Variants in TEAD1 observed in about 807,000 individuals in gnomAD.
The protein encoded by TEAD1 is TEA domain transcription factor 1, also known as transcriptional enhancer factor TEF-1.
Under a neutral mutation model 54.9 loss-of-function variants are expected in TEAD1, and 9 were observed. That is an observed-to-expected ratio of 0.16 (90% CI 0.10 to 0.29). The LOEUF (loss-of-function observed/expected upper bound fraction) is 0.29. TEAD1 is among the 10% of genes least tolerant of loss of function. TEAD1 has a pLI of 1.00. For missense variants in TEAD1, 387 were observed against 535.9 expected (o/e 0.72, Z 2.74); for synonymous variants, 200 against 187.8 (o/e 1.07, Z -0.53).
intron 9 of TEAD1, among the ~76,000 whole-genome samples, chr11:12,894,267 G>T (rs1465007855): frequency 6.6e-6 from 1 of 152,148 alleles, no homozygotes; most frequent in African/African-American, 2.4e-5. Context: ...CTTCAGGTTG[G>T]ACGGTGCAGT....
chr11:12,862,863 A>G (rs960044705), intron 4 of TEAD1, among the ~76,000 whole-genome samples: 18 of 152,354 alleles, frequency 1.2e-4, no homozygotes, highest in African/African-American at 4.1e-4. Flanking sequence ...TACAACTTCA[A>G]TACCTCTGTG....
At chr11:12,918,309 T>TTA (rs1290491484) in intron 10 of TEAD1, among the ~76,000 whole-genome samples, 5 of 150,096 alleles carry the variant, frequency 3.3e-5, no homozygotes, top group South Asian at 2.1e-4. Context: ...TGACAGATAA[T>TTA]TATATATATA....
chr11:12,764,104 C>A, intron 2 of TEAD1, 75 bp from the exon 3 acceptor site: 1 of 919,618 alleles, frequency 1.1e-6, no homozygotes. Context: ...GACTGAAGAA[C>A]TTGCACTAGA....
chr11:12,764,109 A>C, intron 2 of TEAD1, 70 bp from the exon 3 acceptor site: 1 of 978,768 alleles, frequency 1.0e-6, no homozygotes, highest in Admixed American at 2.4e-5. Context: ...AAGAACTTGC[A>C]CTAGAGCTAG....
chr11:12,832,516 T>TG (rs904558726), intron 3 of TEAD1, among the ~76,000 whole-genome samples: 2 of 152,258 alleles, frequency 1.3e-5, no homozygotes, highest in African/African-American at 4.8e-5. Flanking sequence ...TTCTGCTTCT[T>TG]GCACTAATCA....
chr11:12,915,384 G>A (rs1948692385), intron 10 of TEAD1, among the ~76,000 whole-genome samples: 1 of 152,172 alleles, frequency 6.6e-6, no homozygotes. Context: ...TTGCAGGGAT[G>A]ATCCACTCTG....
chr11:12,862,166 C>A, intron 3 of TEAD1, 84 bp from the exon 4 acceptor site: 1 of 1,063,194 alleles, frequency 9.4e-7, no homozygotes, highest in Non-Finnish European at 1.4e-6. Flanking sequence ...ATTCTTGATT[C>A]TGAATTTTGT....
At chr11:12,683,097 G>A (rs899606376) in intron 2 of TEAD1, among the ~76,000 whole-genome samples, 3 of 152,176 alleles carry the variant, frequency 2.0e-5, no homozygotes, top group African/African-American at 4.8e-5. Context: ...ATCACTCTGA[G>A]AAGTTACTTT....
chr11:12,686,673 G>C (rs1215922766), intron 2 of TEAD1, among the ~76,000 whole-genome samples: 1 of 152,094 alleles, frequency 6.6e-6, no homozygotes, highest in Non-Finnish European at 1.5e-5. Context: ...ACTTACCTTT[G>C]TTCTGAGGGA....
intron 3 of TEAD1, among the ~76,000 whole-genome samples, chr11:12,816,068 G>A (rs1236722124): frequency 5.9e-5 from 9 of 152,226 alleles, no homozygotes; most frequent in Non-Finnish European, 1.5e-5. Flanking sequence ...TGAGCAAGCT[G>A]CGGTCTGCCT....
intron 3 of TEAD1, among the ~76,000 whole-genome samples, chr11:12,799,905 T>A (rs1946014658): frequency 6.6e-6 from 1 of 152,120 alleles, no homozygotes; most frequent in Admixed American, 6.5e-5. Context: ...GGGTTGAGAA[T>A]GCAGTTTTTT....
At chr11:12,742,567 G>T (rs1236611914) in intron 2 of TEAD1, among the ~76,000 whole-genome samples, 4 of 152,102 alleles carry the variant, frequency 2.6e-5, no homozygotes, top group African/African-American at 9.7e-5. Flanking sequence ...ATGGCAAAAA[G>T]AAGAATTTAA....
intron 10 of TEAD1, among the ~76,000 whole-genome samples, chr11:12,918,861 G>A (rs1422077930): frequency 6.6e-6 from 1 of 152,170 alleles, no homozygotes; most frequent in Non-Finnish European, 1.5e-5. Flanking sequence ...CAAATAAAAT[G>A]CTGAGTAAAC....
chr11:12,860,566 C>A (rs1947479523), intron 3 of TEAD1, among the ~76,000 whole-genome samples: 1 of 152,222 alleles, frequency 6.6e-6, no homozygotes, highest in Non-Finnish European at 1.5e-5. Flanking sequence ...GTTTCCAGTT[C>A]TTTACTCTGC....
chr11:12,822,508 C>T (rs1324902803), intron 3 of TEAD1: 1 of 152,210 alleles, frequency 6.6e-6, no homozygotes, highest in East Asian at 1.9e-4. Flanking sequence ...TTCCCATCCT[C>T]AGCTTCTGCG....
At chr11:12,857,881 T>A (rs1947423427) in intron 3 of TEAD1, among the ~76,000 whole-genome samples, 1 of 152,002 alleles carries the variant, frequency 6.6e-6, no homozygotes, top group Admixed American at 6.6e-5. Flanking sequence ...GCGCAGGAGT[T>A]TGAGACCAGC....
chr11:12,702,163 CAG>C (rs1376065541), intron 2 of TEAD1, among the ~76,000 whole-genome samples: 1 of 152,294 alleles, frequency 6.6e-6, no homozygotes. Flanking sequence ...TCTCAGCACT[CAG>C]GGGCCGCCCC....
At chr11:12,857,041 C>A (rs1947398202) in intron 3 of TEAD1, among the ~76,000 whole-genome samples, 1 of 152,166 alleles carries the variant, frequency 6.6e-6, no homozygotes. Context: ...ACAACGTTAA[C>A]CAGTCTTCTA....
At chr11:12,922,918 T>C (rs1948836252) in intron 10 of TEAD1, 2 of 97,270 alleles carry the variant, frequency 2.1e-5, no homozygotes, top group Non-Finnish European at 3.8e-5. Context: ...GGCCAGACCC[T>C]GTCTCAAAAA....
Sources: gnomAD v4.1 joint callset for allele counts (sites outside exome capture counted in the v4.1 genomes callset) on GRCh38, gnomAD v4.1.1 for gene constraint, MANE v1.5 for transcripts, NCBI Gene and HGNC (gene_info 2026-07-23, HGNC 2026-07-21) for gene names.